LHFPL3: variants seen among roughly 807,000 people sequenced by gnomAD.
LHFPL3 encodes the protein LHFPL tetraspan subfamily member 3.
In LHFPL3, 5 loss-of-function variants were observed where a neutral mutation model predicts 19.3. The ratio of observed to expected loss-of-function variants is 0.26; its 90% CI spans 0.14 to 0.54. The LOEUF is 0.54. LHFPL3 is among the 20% of genes least tolerant of loss of function. LHFPL3 has a pLI of 0.94. For synonymous variants in LHFPL3, 133 were observed against 126.2 expected (o/e 1.05, Z -0.36); for missense variants, 249 against 307.4 (o/e 0.81, Z 1.42).
intron 2 of LHFPL3, among the ~76,000 whole-genome samples, chr7:104,744,424 T>C (rs1044141518): frequency 2.6e-5 from 4 of 152,210 alleles, no homozygotes; most frequent in Admixed American, 6.5e-5. Context: ...CTGATGGGAT[T>C]TGTGTTTAAC....
intron 1 of LHFPL3, among the ~76,000 whole-genome samples, chr7:104,721,040 A>T (rs1456438517): frequency 3.9e-5 from 6 of 152,222 alleles, no homozygotes; most frequent in African/African-American, 1.4e-4. Context: ...ATTACTGGTT[A>T]TATACCCAAA....
chr7:104,846,526 G>A (rs1791315738), intron 2 of LHFPL3, among the ~76,000 whole-genome samples: 1 of 151,006 alleles, frequency 6.6e-6, no homozygotes, highest in African/African-American at 2.5e-5. Context: ...AGAGATGATA[G>A]AGCCTTGACT....
At chr7:104,365,797 A>AAAAAAAAAAAAAAAAAAAAG (rs1554381866) in intron 1 of LHFPL3, among the ~76,000 whole-genome samples, 31 of 125,960 alleles carry the variant, frequency 2.5e-4, no homozygotes, top group Admixed American at 4.7e-4. Flanking sequence ...CAAAAAAAAA[A>AAAAAAAAAAAAAAAAAAAAG]AAAAAAAAGA....
At chr7:104,436,234 T>A (rs770616866) in intron 1 of LHFPL3, among the ~76,000 whole-genome samples, 3 of 152,210 alleles carry the variant, frequency 2.0e-5, no homozygotes, top group Non-Finnish European at 4.4e-5. Context: ...GCTAGAATAT[T>A]TTAAAGTTTT....
chr7:104,679,012 C>T lies in LHFPL3; in HGVS notation c.446-57663C>T, dbSNP rs535387494. Among the ~76,000 whole-genome samples the T allele has an allele frequency of 9.9e-5, 15 of 152,280 alleles. 1 individual carries two copies. The South Asian group carries it at 1.7e-3, about 17-fold the overall frequency. ...GCATTTTATTAGTTATTTATTGTTACGTGACAAATTAATCCAAAACTTCGC... is the reference window on the plus strand; with the variant it reads ...GCATTTTATTAGTTATTTATTGTTATGTGACAAATTAATCCAAAACTTCGC... On this transcript the variant is annotated intron_variant, in intron 1 of 2. Coordinates refer to ENST00000424859, the MANE Select transcript of LHFPL3 (RefSeq NM_199000.3).
chr7:104,890,183 A>G (rs965524593), intron 2 of LHFPL3, among the ~76,000 whole-genome samples: 1 of 152,170 alleles, frequency 6.6e-6, no homozygotes. Flanking sequence ...ACTCACTTAT[A>G]GTCTAGCTAC....
At chr7:104,384,265 AAGACT>A (rs1484972433) in intron 1 of LHFPL3, among the ~76,000 whole-genome samples, 1 of 152,192 alleles carries the variant, frequency 6.6e-6, no homozygotes, top group Non-Finnish European at 1.5e-5. Context: ...AGAAAGATAA[AAGACT>A]AGACAGACAG....
intron 1 of LHFPL3, among the ~76,000 whole-genome samples, chr7:104,610,473 A>T (rs1456985860): frequency 6.6e-6 from 1 of 152,096 alleles, no homozygotes. Flanking sequence ...GAAATCCAAG[A>T]TTTCTCCAGC....
chr7:104,519,786 A>G (rs540703173), intron 1 of LHFPL3, among the ~76,000 whole-genome samples: 2 of 152,302 alleles, frequency 1.3e-5, no homozygotes, highest in South Asian at 2.1e-4. Context: ...GCTGTGTACA[A>G]ACACATCTGT....
At chr7:104,811,518 T>C (rs1790470284) in intron 2 of LHFPL3, among the ~76,000 whole-genome samples, 1 of 152,056 alleles carries the variant, frequency 6.6e-6, no homozygotes, top group Non-Finnish European at 1.5e-5. Flanking sequence ...AGATTCCTAA[T>C]GGAGGTCAGT....
chr7:104,362,167 TC>T (rs753178471), intron 1 of LHFPL3, among the ~76,000 whole-genome samples: 24 of 152,240 alleles, frequency 1.6e-4, no homozygotes, highest in Non-Finnish European at 3.2e-4. Context: ...TGGGAGGTGC[TC>T]CTCAGAAATA....
At chr7:104,479,473 C>A (rs771543224) in intron 1 of LHFPL3, among the ~76,000 whole-genome samples, 4 of 151,856 alleles carry the variant, frequency 2.6e-5, no homozygotes, top group Non-Finnish European at 5.9e-5. Flanking sequence ...CTCACTGCAA[C>A]CTCCGCCTCC....
intron 1 of LHFPL3, among the ~76,000 whole-genome samples, chr7:104,652,422 T>TATG (rs1792049616): frequency 6.6e-6 from 1 of 152,198 alleles, no homozygotes; most frequent in Non-Finnish European, 1.5e-5. Flanking sequence ...TTTATTGATA[T>TATG]ATAATAGTTG....
chr7:104,710,391 A>ATTTTGTTTCAGAT, intron 1 of LHFPL3, among the ~76,000 whole-genome samples: 1 of 152,254 alleles, frequency 6.6e-6, no homozygotes, highest in African/African-American at 2.4e-5. Flanking sequence ...TAGTTAATTA[A>ATTTTGTTTCAGAT]TTTTGTTTCA....
chr7:104,555,265 G>A (rs1794742123), intron 1 of LHFPL3, among the ~76,000 whole-genome samples: 1 of 152,184 alleles, frequency 6.6e-6, no homozygotes, highest in Non-Finnish European at 1.5e-5. Flanking sequence ...CTCATTAATG[G>A]GATTTGTACC....
intron 2 of LHFPL3, among the ~76,000 whole-genome samples, chr7:104,849,801 A>G (rs754341642): frequency 3.4e-4 from 52 of 152,142 alleles, no homozygotes; most frequent in Non-Finnish European, 5.3e-4. Context: ...GTGGGGCAGG[A>G]CTCTCCCTGG....
rs1421074441 is a variant in LHFPL3, at chr7:104,329,182, G to A, written c.403G>A (p.Ala135Thr). ...TACCCTCTTCTTCTTCTGCAACACGGCCACTGTGTACAAGATATGTGCCTG... is the reference window on the plus strand; with the variant it reads ...TACCCTCTTCTTCTTCTGCAACACGACCACTGTGTACAAGATATGTGCCTG... ...CFTLFFFCNT[A>T]TVYKICAWMQ... is the part of the protein sequence containing the mutation. Residue 135 changes from alanine to threonine, a missense_variant, in exon 1 of 3, where the codon GCC becomes ACC. By Grantham distance (58) the Ala-to-Thr change is moderately conservative. Coordinates refer to ENST00000424859, the MANE Select transcript of LHFPL3 (RefSeq NM_199000.3). The A allele has an allele frequency of 6.2e-7, 1 of 1,613,990 alleles. No individual in the cohort carries two copies. The highest frequency in any genetic ancestry group is 1.1e-5 in the South Asian group (1 of 91,082).
chr7:104,466,122 A>C (rs1792779727), intron 1 of LHFPL3, among the ~76,000 whole-genome samples: 1 of 152,162 alleles, frequency 6.6e-6, no homozygotes, highest in Non-Finnish European at 1.5e-5. Context: ...TATCTTTGTT[A>C]ATTTTCTCCC....
Position 104,726,453 on chromosome 7 carries a change from T to C in LHFPL3, c.446-10222T>C, listed in dbSNP as rs1198536431. Among the ~76,000 whole-genome samples, 6 of 152,266 alleles carry C rather than the reference T, an allele frequency of 3.9e-5. No individual in the cohort carries two copies. In the South Asian group the frequency reaches 6.2e-4, roughly 16 times the overall value. On this transcript the variant is annotated intron_variant, in intron 1 of 2. Transcript: ENST00000424859. ...CGTCACCTAGGTATTAAGCCTAGCA[T>C]GCATGAGCTATTTTTCCTGACGGGC... is the stretch of plus-strand genomic sequence containing the variant.
Sources: gnomAD v4.1 joint callset for allele counts (sites outside exome capture counted in the v4.1 genomes callset) on GRCh38, gnomAD v4.1.1 for gene constraint, MANE v1.5 for transcripts, NCBI Gene and HGNC (gene_info 2026-07-23, HGNC 2026-07-21) for gene names.